Variants in CENPP observed in about 807,000 individuals in gnomAD.
CENPP encodes the protein centromere protein P.
Under a neutral mutation model 35.6 loss-of-function variants are expected in CENPP, and 24 were observed. The ratio of observed to expected loss-of-function variants is 0.67; its 90% CI spans 0.49 to 0.95. The LOEUF (loss-of-function observed/expected upper bound fraction) is 0.95. CENPP is among the 40% of genes least tolerant of loss of function. The pLI, the probability that CENPP is intolerant of heterozygous loss-of-function variation, is 0.00. For synonymous variants in CENPP, 120 were observed against 125.5 expected, an observed-to-expected ratio of 0.96 and a Z score of 0.29; for missense variants, 332 against 345.3, an observed-to-expected ratio of 0.96 and a Z score of 0.31.
chr9:92,411,618 A>G (rs999459600), intron 5 of CENPP, among the ~76,000 whole-genome samples: 3 of 152,156 alleles, frequency 2.0e-5, no homozygotes, highest in Non-Finnish European at 4.4e-5. Flanking sequence ...TTGAATTGCA[A>G]TTTTATTATT....
intron 5 of CENPP, among the ~76,000 whole-genome samples, chr9:92,485,122 C>T (rs1846024660): frequency 1.3e-5 from 2 of 152,164 alleles, no homozygotes; most frequent in African/African-American, 4.8e-5. Context: ...CAGGCACGAA[C>T]GTGCCATCTG....
chr9:92,556,867 T>A (rs1849734981), intron 5 of CENPP, among the ~76,000 whole-genome samples: 1 of 152,222 alleles, frequency 6.6e-6, no homozygotes, highest in African/African-American at 2.4e-5. Context: ...CTGTGTACTT[T>A]GTGGGTTTTT....
At chr9:92,477,896 G>C (rs1564344022) in intron 5 of CENPP, among the ~76,000 whole-genome samples, 1 of 152,168 alleles carries the variant, frequency 6.6e-6, no homozygotes, top group Non-Finnish European at 1.5e-5. Context: ...TATGGGGTAG[G>C]AACAGGGGTG....
chr9:92,510,181 T>C, intron 5 of CENPP: 1 of 747,760 alleles, frequency 1.3e-6, no homozygotes, highest in Non-Finnish European at 2.0e-6. Context: ...AAACCCCTTA[T>C]TCCCCCTGCC....
intron 5 of CENPP, among the ~76,000 whole-genome samples, chr9:92,463,875 C>T (rs1396596533): frequency 1.3e-5 from 2 of 152,064 alleles, no homozygotes; most frequent in Non-Finnish European, 2.9e-5. Flanking sequence ...AGTTATTTTT[C>T]CTCTTTTACT....
intron 2 of CENPP, 137 bp from the exon 3 acceptor site, chr9:92,337,404 G>A (rs1001528692): frequency 9.1e-6 from 5 of 549,312 alleles, no homozygotes; most frequent in African/African-American, 3.9e-5. Flanking sequence ...TTCTTCCAGA[G>A]TTTTTCAATG....
chr9:92,360,997 GC>G (rs1841733126), intron 4 of CENPP, among the ~76,000 whole-genome samples: 1 of 151,886 alleles, frequency 6.6e-6, no homozygotes, highest in Non-Finnish European at 1.5e-5. Flanking sequence ...GTGAGCCCCC[GC>G]CCCCGGCCAT....
chr9:92,352,358 A>G (rs1841470578), intron 4 of CENPP, among the ~76,000 whole-genome samples: 1 of 150,186 alleles, frequency 6.7e-6, no homozygotes, highest in African/African-American at 2.5e-5. Context: ...ACAGAGCAAG[A>G]CATCATCTGA....
intron 5 of CENPP, among the ~76,000 whole-genome samples, chr9:92,505,849 C>T (rs1203549488): frequency 6.6e-6 from 1 of 152,046 alleles, no homozygotes; most frequent in Non-Finnish European, 1.5e-5. Context: ...TTCTTAAGTA[C>T]TTTGTACATC....
chr9:92,443,685 A>C (rs1844479769), intron 5 of CENPP, among the ~76,000 whole-genome samples: 1 of 151,664 alleles, frequency 6.6e-6, no homozygotes, highest in African/African-American at 2.4e-5. Context: ...TTTGAGACAG[A>C]GTTTTGCTCT....
chr9:92,386,184 G>A (rs1842412638), intron 5 of CENPP: 1 of 1,535,512 alleles, frequency 6.5e-7, no homozygotes. Context: ...CAGATATTGT[G>A]AAAGGAACTA....
chr9:92,411,649 A>T (rs1322656671), intron 5 of CENPP, among the ~76,000 whole-genome samples: 1 of 152,206 alleles, frequency 6.6e-6, no homozygotes, highest in African/African-American at 2.4e-5. Context: ...GTTCTTTGAG[A>T]ATTAAAATGT....
intron 5 of CENPP, among the ~76,000 whole-genome samples, chr9:92,537,524 G>A (rs567928420): frequency 6.6e-6 from 1 of 152,218 alleles, no homozygotes; most frequent in South Asian, 2.1e-4. Flanking sequence ...GCCGAGTATG[G>A]TAGCACATGC....
At chr9:92,340,749 T>C (rs538036010) in intron 3 of CENPP, among the ~76,000 whole-genome samples, 100 of 152,300 alleles carry the variant, frequency 6.6e-4, no homozygotes, top group African/African-American at 2.3e-3. Context: ...TTTAATCTCT[T>C]AATCCTGTCA....
intron 5 of CENPP, chr9:92,385,506 C>A: frequency 1.1e-6 from 1 of 892,420 alleles, no homozygotes; most frequent in Non-Finnish European, 1.7e-6. Flanking sequence ...TATTAAATTC[C>A]TTCAAAATGA....
At chr9:92,416,417 T>C (rs1843614657) in intron 5 of CENPP, among the ~76,000 whole-genome samples, 1 of 152,106 alleles carries the variant, frequency 6.6e-6, no homozygotes, top group Non-Finnish European at 1.5e-5. Context: ...TTTCTCAATA[T>C]TTAAGGCAAT....
chr9:92,606,552 T>G (rs966593827), intron 5 of CENPP, among the ~76,000 whole-genome samples: 1 of 152,110 alleles, frequency 6.6e-6, no homozygotes, highest in Non-Finnish European at 1.5e-5. Context: ...AATGAAAATA[T>G]GTATGTGCAA....
intron 4 of CENPP, among the ~76,000 whole-genome samples, chr9:92,360,151 A>G (rs1377110742): frequency 6.6e-6 from 1 of 152,004 alleles, no homozygotes; most frequent in Non-Finnish European, 1.5e-5. Context: ...TATTTCATTC[A>G]CGTTTTGGCT....
In CENPP at chr9:92,619,497, C is replaced by T; in HGVS notation, c.*6348C>T. 6.3e-7 allele frequency: 1 copy of T among 1,589,608 alleles called. No individual in the cohort carries two copies. Among genetic ancestry groups the T allele is most frequent in the Middle Eastern group, 1.7e-4 (1 of 6,034 alleles). ...AGTGGGGGCCTCACCTGGCATCCTG[C>T]AGACAGGGAGACAGTGCAATCATGA... On this transcript the variant is annotated 3_prime_UTR_variant, in exon 8 of 8. Transcript: ENST00000375587.
Sources: gnomAD v4.1 joint callset for allele counts (sites outside exome capture counted in the v4.1 genomes callset) on GRCh38, gnomAD v4.1.1 for gene constraint, MANE v1.5 for transcripts, NCBI Gene and HGNC (gene_info 2026-07-23, HGNC 2026-07-21) for gene names.